PTPRD: variants seen among roughly 807,000 people sequenced by gnomAD.
PTPRD encodes the protein receptor-type tyrosine-protein phosphatase delta.
A neutral mutation model predicts 214.5 loss-of-function variants in PTPRD; 34 were observed. That is an observed-to-expected ratio of 0.16 (90% CI 0.12 to 0.21). The LOEUF (loss-of-function observed/expected upper bound fraction) is 0.21. PTPRD is among the 10% of genes least tolerant of loss of function. PTPRD has a pLI of 1.00. For missense variants in PTPRD, 2,545 were observed against 2,398.7 expected, an observed-to-expected ratio of 1.06 and a Z score of -1.27; for synonymous variants, 1,128 against 845.7, an observed-to-expected ratio of 1.33 and a Z score of -5.79.
intron 8 of PTPRD, among the ~76,000 whole-genome samples, chr9:9,426,331 G>C (rs112242672): frequency 1.8e-4 from 27 of 152,194 alleles, no homozygotes; most frequent in Non-Finnish European, 2.9e-4. Flanking sequence ...GTCTGAGATC[G>C]AACTGCAAGG....
intron 8 of PTPRD, among the ~76,000 whole-genome samples, chr9:9,482,600 T>C (rs947654100): frequency 1.4e-4 from 22 of 152,168 alleles, no homozygotes; most frequent in African/African-American, 4.6e-4. Flanking sequence ...GCACTACAGA[T>C]AGAATCATAG....
At chr9:9,015,659 A>G (rs919899927) in intron 11 of PTPRD, among the ~76,000 whole-genome samples, 3 of 152,146 alleles carry the variant, frequency 2.0e-5, no homozygotes, top group Non-Finnish European at 4.4e-5. Flanking sequence ...ATGAGATGCA[A>G]CAACCCTCTC....
chr9:8,726,652 A>G (rs759885099), intron 12 of PTPRD, among the ~76,000 whole-genome samples: 44 of 97,724 alleles, frequency 4.5e-4, no homozygotes, highest in Non-Finnish European at 5.0e-4. Flanking sequence ...TATATATATG[A>G]CAGCCAGGTG....
intron 12 of PTPRD, among the ~76,000 whole-genome samples, chr9:8,677,812 C>A (rs887934481): frequency 1.3e-5 from 2 of 152,182 alleles, no homozygotes; most frequent in Admixed American, 1.3e-4. Flanking sequence ...GACCCAGGCA[C>A]CACAAGCAGC....
At chr9:10,005,833 A>G (rs535841329) in intron 4 of PTPRD, among the ~76,000 whole-genome samples, 10 of 152,122 alleles carry the variant, frequency 6.6e-5, no homozygotes, top group Non-Finnish European at 1.2e-4. Context: ...AAGATATTTC[A>G]TTATAGTATT....
At chr9:8,533,450 C>A (rs17572318) in intron 14 of PTPRD, among the ~76,000 whole-genome samples, 1 of 151,932 alleles carries the variant, frequency 6.6e-6, no homozygotes, top group African/African-American at 2.4e-5. Flanking sequence ...TACATCAATG[C>A]TTCTTCAAGT....
chr9:8,483,642 C>A (rs1160982405), intron 30 of PTPRD, among the ~76,000 whole-genome samples: 1 of 152,114 alleles, frequency 6.6e-6, no homozygotes, highest in African/African-American at 2.4e-5. Flanking sequence ...ATCCCAGCTA[C>A]TCAGGAGGCT....
intron 2 of PTPRD, among the ~76,000 whole-genome samples, chr9:10,367,840 C>T (rs1347190728): frequency 6.6e-6 from 1 of 152,040 alleles, no homozygotes; most frequent in Admixed American, 6.6e-5. Context: ...TAGGAAAGTA[C>T]TTTACCTCCT....
intron 8 of PTPRD, among the ~76,000 whole-genome samples, chr9:9,566,329 T>G (rs2084519834): frequency 6.6e-6 from 1 of 152,034 alleles, no homozygotes; most frequent in Non-Finnish European, 1.5e-5. Flanking sequence ...TACACAACTA[T>G]AAGAATTTTA....
intron 11 of PTPRD, among the ~76,000 whole-genome samples, chr9:8,866,776 A>G (rs1262100061): frequency 2.1e-5 from 1 of 48,448 alleles, no homozygotes; most frequent in Non-Finnish European, 4.0e-5. Flanking sequence ...TCATCTCATC[A>G]AGTCAGTTTT....
At chr9:10,120,239 C>T (rs1422548903) in intron 3 of PTPRD, among the ~76,000 whole-genome samples, 1 of 151,624 alleles carries the variant, frequency 6.6e-6, no homozygotes, top group East Asian at 1.9e-4. Context: ...TCCCACTAGT[C>T]ATAATAATAC....
At chr9:9,309,276 C>T (rs1388229810) in intron 9 of PTPRD, among the ~76,000 whole-genome samples, 1 of 151,212 alleles carries the variant, frequency 6.6e-6, no homozygotes, top group Non-Finnish European at 1.5e-5. Context: ...ACAAATACTC[C>T]AGTTTCCTAA....
At chr9:9,434,339 A>G (rs1324941968) in intron 8 of PTPRD, among the ~76,000 whole-genome samples, 1 of 152,170 alleles carries the variant, frequency 6.6e-6, no homozygotes, top group African/African-American at 2.4e-5. Flanking sequence ...TGAAAACTAT[A>G]AAACACTGAT....
intron 22 of PTPRD, among the ~76,000 whole-genome samples, chr9:8,505,269 T>C (rs1389617271): frequency 6.6e-6 from 1 of 152,194 alleles, no homozygotes; most frequent in Non-Finnish European, 1.5e-5. Context: ...CTAGTAATGG[T>C]GTGTGTAATC....
intron 2 of PTPRD, among the ~76,000 whole-genome samples, chr9:10,512,714 T>G (rs1359038988): frequency 6.6e-6 from 1 of 151,904 alleles, no homozygotes; most frequent in Non-Finnish European, 1.5e-5. Flanking sequence ...AGGACTTTGG[T>G]GAGGTTTTGG....
At chr9:10,446,656 G>A (rs2098802075) in intron 2 of PTPRD, among the ~76,000 whole-genome samples, 1 of 152,006 alleles carries the variant, frequency 6.6e-6, no homozygotes, top group Non-Finnish European at 1.5e-5. Flanking sequence ...GATATTTTGT[G>A]TGCATGGCAT....
Position 8,533,960 on chromosome 9 carries a change from C to CA in PTPRD, c.353-5182dup, listed in dbSNP as rs1389722434. Among the ~76,000 whole-genome samples, 6 of 152,098 alleles carry CA rather than the reference C, an allele frequency of 3.9e-5. 1 individual carries two copies. In the South Asian group the frequency reaches 1.2e-3, roughly 32 times the overall value. On this transcript the variant is annotated intron_variant, in intron 14 of 45. Transcript: ENST00000381196. ...CTACACATTTGGCCTCCTTGAGTAT[C>CA]AGTCTATTAAGAGGCAAAGCTATCT...
At chr9:10,421,435 T>G (rs550542055) in intron 2 of PTPRD, among the ~76,000 whole-genome samples, 1 of 152,068 alleles carries the variant, frequency 6.6e-6, no homozygotes, top group Non-Finnish European at 1.5e-5. Context: ...AGATATGAAT[T>G]ATACTTCTTG....
intron 3 of PTPRD, among the ~76,000 whole-genome samples, chr9:10,113,882 C>T (rs142803507): frequency 8.5e-5 from 13 of 152,282 alleles, no homozygotes; most frequent in African/African-American, 2.9e-4. Flanking sequence ...TGGGAAAAGA[C>T]TCAGCTGTCT....
Sources: allele counts gnomAD v4.1 joint callset (sites outside exome capture counted in the v4.1 genomes callset), GRCh38; gene constraint gnomAD v4.1.1; transcripts MANE v1.5; gene names NCBI Gene and HGNC (gene_info 2026-07-23, HGNC 2026-07-21).